Variants in ZPBP observed in about 807,000 individuals in gnomAD.
The protein encoded by ZPBP is zona pellucida binding protein.
In ZPBP, 26 loss-of-function variants were observed where a neutral mutation model predicts 44.8. That is an observed-to-expected ratio of 0.58 (90% confidence interval 0.43 to 0.81). ZPBP has a LOEUF of 0.81. Among genes scored for constraint, ZPBP ranks in the 30% least tolerant of loss-of-function variants. The probability of loss-of-function intolerance (pLI) is 0.00; values close to 1 mark genes in which losing one functional copy is unlikely to be tolerated. For synonymous variants in ZPBP, 174 were observed against 153.2 expected (o/e 1.14, Z -1.00); for missense variants, 409 against 434.0 (o/e 0.94, Z 0.51).
intron 1 of ZPBP, among the ~76,000 whole-genome samples, chr7:49,911,855 C>A (rs1583822565): frequency 6.6e-6 from 1 of 151,458 alleles, no homozygotes; most frequent in Non-Finnish European, 1.5e-5. Flanking sequence ...CGAGATCGTG[C>A]CACTGCACTC....
intron 1 of ZPBP, among the ~76,000 whole-genome samples, chr7:49,925,224 T>C (rs1326590740): frequency 1.3e-5 from 2 of 152,060 alleles, no homozygotes; most frequent in Non-Finnish European, 2.9e-5. Flanking sequence ...TGGGTGGTGG[T>C]GAGATATAGT....
At chr7:50,047,637 C>T (rs1359820109) in intron 4 of ZPBP, among the ~76,000 whole-genome samples, 1 of 141,824 alleles carries the variant, frequency 7.1e-6, no homozygotes, top group East Asian at 2.1e-4. Context: ...GCACTCTGCT[C>T]ATAGAAGCTA....
chr7:50,036,877 A>G (rs1338033012), intron 4 of ZPBP, among the ~76,000 whole-genome samples: 1 of 151,980 alleles, frequency 6.6e-6, no homozygotes, highest in African/African-American at 2.4e-5. Context: ...AAATCAAAGA[A>G]GGAATCCCTG....
At chr7:49,966,826 G>T (rs1796082038) in intron 7 of ZPBP, among the ~76,000 whole-genome samples, 1 of 151,960 alleles carries the variant, frequency 6.6e-6, no homozygotes, top group African/African-American at 2.4e-5. Context: ...ATAGAAATGG[G>T]GTTATGTGGG....
At chr7:49,961,111 A>ATTT in intron 7 of ZPBP, among the ~76,000 whole-genome samples, 1 of 152,310 alleles carries the variant, frequency 6.6e-6, no homozygotes, top group East Asian at 1.9e-4. Context: ...AGTCATAGGT[A>ATTT]TTTTTCCAGG....
chr7:49,871,686 C>G (rs1791152295), intron 2 of ZPBP, among the ~76,000 whole-genome samples: 1 of 151,668 alleles, frequency 6.6e-6, no homozygotes, highest in South Asian at 2.1e-4. Context: ...TACTGTTGTT[C>G]TGTGCAAATG....
chr7:50,077,786 G>A (rs925687907), intron 3 of ZPBP, among the ~76,000 whole-genome samples: 6 of 152,030 alleles, frequency 3.9e-5, no homozygotes, highest in Admixed American at 2.0e-4. Context: ...CTTGTACACT[G>A]TTGATGGGAA....
intron 3 of ZPBP, among the ~76,000 whole-genome samples, chr7:50,062,265 A>G (rs781583814): frequency 2.0e-5 from 3 of 152,210 alleles, no homozygotes; most frequent in Non-Finnish European, 2.9e-5. Flanking sequence ...CAACTTACAG[A>G]TTCAATGCTT....
intron 7 of ZPBP, among the ~76,000 whole-genome samples, chr7:49,962,224 T>C (rs1411413442): frequency 1.3e-5 from 2 of 151,874 alleles, no homozygotes; most frequent in African/African-American, 4.8e-5. Flanking sequence ...AAGTCCCTCA[T>C]GAATATAGAC....
chr7:50,092,982 G>T (rs1400035178), intron 1 of ZPBP, 86 bp downstream of exon 1: 10 of 1,522,512 alleles, frequency 6.6e-6, no homozygotes, highest in Non-Finnish European at 8.8e-6. Context: ...TAAAACGGAT[G>T]CACGTGACAC....
intron 7 of ZPBP, among the ~76,000 whole-genome samples, chr7:49,940,555 C>T (rs1242100605): frequency 6.6e-6 from 1 of 151,482 alleles, no homozygotes; most frequent in African/African-American, 2.4e-5. Flanking sequence ...CCCTCATTCC[C>T]CCATGAAAAC....
At chr7:49,898,958 A>C (rs1186222074) in intron 2 of ZPBP, among the ~76,000 whole-genome samples, 1 of 152,146 alleles carries the variant, frequency 6.6e-6, no homozygotes, top group Non-Finnish European at 1.5e-5. Flanking sequence ...AAGTGCAACA[A>C]ATAGAAAATA....
intron 4 of ZPBP, among the ~76,000 whole-genome samples, chr7:50,044,476 T>C (rs1800249808): frequency 6.6e-6 from 1 of 151,794 alleles, no homozygotes; most frequent in Non-Finnish European, 1.5e-5. Flanking sequence ...AAAAAAATAA[T>C]AAAGGGGATA....
chr7:50,041,931 G>C (rs1015709872), intron 4 of ZPBP, among the ~76,000 whole-genome samples: 92 of 152,042 alleles, frequency 6.1e-4, no homozygotes, highest in African/African-American at 2.1e-3. Flanking sequence ...CCTTGAAAAA[G>C]GGTTAGACGA....
chr7:49,906,120 A>G (rs1180676828), intron 1 of ZPBP, among the ~76,000 whole-genome samples: 6 of 152,158 alleles, frequency 3.9e-5, no homozygotes, highest in African/African-American at 1.4e-4. Context: ...CGGAGTAGCC[A>G]TTCTTTATTC....
intron 2 of ZPBP, among the ~76,000 whole-genome samples, chr7:49,888,927 A>G (rs935522495): frequency 2.0e-5 from 3 of 152,022 alleles, no homozygotes; most frequent in African/African-American, 7.3e-5. Flanking sequence ...AAACAAAAAC[A>G]AAAACAAAAA....
At chr7:49,974,012 A>T (rs1796402701) in intron 7 of ZPBP, among the ~76,000 whole-genome samples, 2 of 152,194 alleles carry the variant, frequency 1.3e-5, no homozygotes. Flanking sequence ...GAACCTTAAA[A>T]ATATTTTAAC....
intron 1 of ZPBP, among the ~76,000 whole-genome samples, chr7:49,901,868 A>ATCAACAC (rs1792749389): frequency 7.3e-6 from 1 of 137,702 alleles, no homozygotes; most frequent in Non-Finnish European, 1.5e-5. Flanking sequence ...TCAGATAAAT[A>ATCAACAC]TGAACACTGT....
In ZPBP at chr7:50,031,108, C is replaced by G; in HGVS notation, c.690G>C (p.Leu230Phe). The G allele has an allele frequency of 6.2e-7, 1 of 1,613,478 alleles. No homozygotes were observed. The highest frequency in any genetic ancestry group is 8.5e-7 in the Non-Finnish European group (1 of 1,179,752). The change falls in exon 5 of 8, where the codon TTG becomes TTC. Residue 230 changes from leucine (L) to phenylalanine (F), a missense_variant. Coordinates refer to ENST00000046087, the MANE Select transcript of ZPBP (RefSeq NM_007009.3). ...KMQRAGLQNE[L>F]FFAFSVSSLD... is the part of the protein sequence containing the mutation. ...TAGACTTACCTGAAAATGCAAAGAA[C>G]AATTCATTTTGCAAACCAGCTCTTT...
Sources: allele counts gnomAD v4.1 joint callset (sites outside exome capture counted in the v4.1 genomes callset), GRCh38; gene constraint gnomAD v4.1.1; transcripts MANE v1.5; gene names NCBI Gene and HGNC (gene_info 2026-07-23, HGNC 2026-07-21).